Variants in SLC16A1 observed in about 807,000 individuals in gnomAD.
SLC16A1 encodes the protein solute carrier family 16 member 1.
A neutral mutation model predicts 32.2 loss-of-function variants in SLC16A1; 11 were observed. That is an observed-to-expected ratio of 0.34 (90% CI 0.21 to 0.56). SLC16A1 has a LOEUF of 0.56. SLC16A1 is among the 20% of genes least tolerant of loss of function. SLC16A1 has a pLI of 0.87. For missense variants in SLC16A1, 435 were observed against 615.0 expected, an observed-to-expected ratio of 0.71 and a Z score of 3.10; for synonymous variants, 231 against 226.8, an observed-to-expected ratio of 1.02 and a Z score of -0.17.
chr1:112,942,289 C>A (rs929001020), intron 1 of SLC16A1, among the ~76,000 whole-genome samples: 2 of 152,140 alleles, frequency 1.3e-5, no homozygotes, highest in Non-Finnish European at 2.9e-5. Context: ...CACTTTTCTA[C>A]CTTGTGAATG....
At chr1:112,944,318 G>T (rs1387992596) in intron 1 of SLC16A1, among the ~76,000 whole-genome samples, 1 of 152,174 alleles carries the variant, frequency 6.6e-6, no homozygotes, top group Non-Finnish European at 1.5e-5. Context: ...CAGCAGTGGT[G>T]GCACACACTT....
At chr1:112,936,197 T>C (rs58805133) in intron 1 of SLC16A1, among the ~76,000 whole-genome samples, 180 of 137,996 alleles carry the variant, frequency 1.3e-3, no homozygotes, top group African/African-American at 5.0e-3. Flanking sequence ...ATCTCATTTT[T>C]ATAATAATAA....
chr1:112,914,185 CA>C lies in SLC16A1; in HGVS notation c.1229-21del. The stretch of plus-strand genomic sequence containing the variant: ...GCCGACCTAAATATGTAAAACAACA[CA>C]AACAGTTGTTTCTAAGAGTAAACAG... On this transcript the variant is annotated intron_variant, in intron 4 of 4. Transcript: ENST00000369626. The C allele has an allele frequency of 6.2e-7, 1 of 1,613,434 alleles. No individual in the cohort carries two copies. The highest frequency in any genetic ancestry group is 8.5e-7 in the Non-Finnish European group (1 of 1,179,426).
At position 112,917,714 on chromosome 1, in the gene SLC16A1, G is replaced by GT. The variant is rs770751174; in HGVS notation, c.691dup (p.Thr231AsnfsTer9). The GT allele has an allele frequency of 6.2e-7, 1 of 1,614,212 alleles. No individual in the cohort carries two copies. The highest frequency in any genetic ancestry group is 8.5e-7 in the Non-Finnish European group (1 of 1,180,030). ...TTTAGGGTGTCTTCCAATAAGATCT[G>GT]TATTTGCATCATGCAGATCTTTTTT... On this transcript the variant is annotated frameshift_variant, in exon 4 of 5. Transcript: ENST00000369626. LOFTEE classifies it high-confidence loss of function. This position sits in a 1 kb window ranked among gnomAD's most constrained non-coding sequence, Gnocchi z 4.1.
chr1:112,914,431 T>C (rs1268835306), intron 4 of SLC16A1, among the ~76,000 whole-genome samples: 4 of 152,230 alleles, frequency 2.6e-5, no homozygotes, highest in African/African-American at 9.7e-5. Context: ...GGAAGAGACG[T>C]AGTGATCACC....
chr1:112,926,320 G>A (rs1046553889), intron 2 of SLC16A1, among the ~76,000 whole-genome samples: 6 of 152,238 alleles, frequency 3.9e-5, no homozygotes, highest in African/African-American at 1.4e-4. Flanking sequence ...GCCAGGCGCA[G>A]TGGCTCACGC....
chr1:112,948,304 T>C (rs868115318), intron 1 of SLC16A1, among the ~76,000 whole-genome samples: 1 of 152,148 alleles, frequency 6.6e-6, no homozygotes, highest in Non-Finnish European at 1.5e-5. Context: ...AAATGTTTAC[T>C]TGCAAAGCTT....
At chr1:112,924,780 G>A (rs957649270) in intron 2 of SLC16A1, among the ~76,000 whole-genome samples, 2 of 152,144 alleles carry the variant, frequency 1.3e-5, no homozygotes, top group South Asian at 2.1e-4. Flanking sequence ...CCAGCTACTC[G>A]GGAGGCTGAG....
At chr1:112,940,109 G>A (rs1381473165) in intron 1 of SLC16A1, among the ~76,000 whole-genome samples, 2 of 146,374 alleles carry the variant, frequency 1.4e-5, no homozygotes, top group African/African-American at 2.6e-5. Context: ...GTAGAGTGGT[G>A]CAGTGCCTCA....
In SLC16A1 at chr1:112,917,268, CCAT is replaced by C; in HGVS notation, c.1135_1137del (p.Met379del). The C allele has an allele frequency of 6.2e-7, 1 of 1,614,152 alleles. No individual in the cohort carries two copies. Among genetic ancestry groups the C allele is most frequent in the East Asian group, 2.2e-5 (1 of 44,876 alleles). The stretch of plus-strand genomic sequence containing the variant: ...GAGAACCTCTGGGGTCCAACAAGGT[CCAT>C]CAATGTTTCAAACAATACGGAGCTG... On this transcript the variant is annotated inframe_deletion, in exon 4 of 5. Transcript: ENST00000369626. The surrounding 1 kb of genome is among the most constrained non-coding windows in gnomAD (Gnocchi z 4.1).
rs145916504 is a variant in SLC16A1 at position 112,917,917 on chromosome 1, G to A, written c.489C>T (p.Pro163=). 1.2e-6 allele frequency: 2 copies of A among 1,605,566 alleles called. No homozygotes were observed. Among genetic ancestry groups the A allele is most frequent in the African/African-American group, 2.7e-5 (2 of 74,300 alleles). ...AGATACCGAAGAAAACCTGATTGAG[G>A]GGGGCCAGAGTACAGAGGAACACAG... is the stretch of plus-strand genomic sequence containing the variant. The part of the protein sequence containing the change: ...GSPVFLCTLA[P]LNQVFFGIFG... Residue 163 remains proline, a synonymous_variant, in exon 4 of 5, where the codon CCC becomes CCT. Transcript: ENST00000369626. This position sits in a 1 kb window ranked among gnomAD's most constrained non-coding sequence, Gnocchi z 4.1.
At chr1:112,940,220 T>C (rs1210572072) in intron 1 of SLC16A1, among the ~76,000 whole-genome samples, 2 of 151,736 alleles carry the variant, frequency 1.3e-5, no homozygotes, top group South Asian at 2.1e-4. Context: ...GTATGTTTTG[T>C]AGAGATGAAG....
intron 2 of SLC16A1, among the ~76,000 whole-genome samples, chr1:112,925,974 G>A (rs1266429127): frequency 6.6e-6 from 1 of 151,954 alleles, no homozygotes; most frequent in Non-Finnish European, 1.5e-5. Context: ...TTTAAGTTTT[G>A]GTTTCACCAT....
chr1:112,938,893 CCT>C (rs1491350585), intron 1 of SLC16A1, among the ~76,000 whole-genome samples: 4 of 148,534 alleles, frequency 2.7e-5, no homozygotes, highest in African/African-American at 7.4e-5. Flanking sequence ...TTTTTTTTTA[CCT>C]TTTTTTCTTT....
intron 1 of SLC16A1, among the ~76,000 whole-genome samples, chr1:112,930,337 C>A (rs529869010): frequency 3.9e-4 from 60 of 152,160 alleles, no homozygotes; most frequent in South Asian, 4.1e-4. Flanking sequence ...GGGAAAAAAA[C>A]CCCCACACTT....
At chr1:112,950,793 T>C (rs55992320) in intron 1 of SLC16A1, among the ~76,000 whole-genome samples, 24,234 of 152,182 alleles carry the variant, frequency 0.16, 2,500 homozygotes, top group Non-Finnish European at 0.23. Flanking sequence ...GGCCAGGAGT[T>C]TGAGGCCAGC....
intron 1 of SLC16A1, among the ~76,000 whole-genome samples, chr1:112,941,081 G>A (rs1194956860): frequency 6.6e-6 from 1 of 151,968 alleles, no homozygotes; most frequent in Non-Finnish European, 1.5e-5. Flanking sequence ...ACTACCTATT[G>A]GGTTCTATGC....
chr1:112,937,827 T>A (rs1333005345), intron 1 of SLC16A1, among the ~76,000 whole-genome samples: 2 of 152,164 alleles, frequency 1.3e-5, no homozygotes, highest in Admixed American at 1.3e-4. Context: ...AAAAACAAAG[T>A]GATAGGGTAA....
intron 1 of SLC16A1, 66 bp from the exon 2 acceptor site, chr1:112,929,418 T>C: frequency 1.1e-6 from 1 of 895,288 alleles, no homozygotes. Flanking sequence ...TTTTGTGAAA[T>C]AAGAAATATA....
Sources: gnomAD v4.1 joint callset for allele counts (sites outside exome capture counted in the v4.1 genomes callset) on GRCh38, gnomAD v4.1.1 for gene constraint, Gnocchi (gnomAD v3.1) non-coding constraint, MANE v1.5 for transcripts, NCBI Gene and HGNC (gene_info 2026-07-23, HGNC 2026-07-21) for gene names.